The following HIVEP3 variants were observed in gnomAD, a reference collection of about 807,000 sequenced individuals.
HIVEP3 encodes HIVEP zinc finger 3.
In HIVEP3, 49 loss-of-function variants were observed where a neutral mutation model predicts 152.8. The observed-to-expected ratio is 0.32, with a 90% CI of 0.26 to 0.41. The LOEUF (loss-of-function observed/expected upper bound fraction) is 0.41. Among genes scored for constraint, HIVEP3 ranks in the 10% least tolerant of loss-of-function variants. HIVEP3 has a pLI of 1.00. For missense variants in HIVEP3, 2,790 were observed against 3,103.3 expected, an observed-to-expected ratio of 0.90 and a Z score of 2.40; for synonymous variants, 1,269 against 1,289.0, an observed-to-expected ratio of 0.98 and a Z score of 0.33.
rs79673918 is a variant in HIVEP3 at position 41,801,910 on chromosome 1, A to C, written c.-800-100915T>G. Among the ~76,000 whole-genome samples, 15 of 152,298 alleles carry C rather than the reference A, an allele frequency of 9.8e-5. No individual in the cohort carries two copies. The East Asian group carries it at 2.5e-3, about 25-fold the overall frequency. On this transcript the variant is annotated intron_variant, in intron 1 of 8. Coordinates refer to ENST00000372583, the MANE Select transcript of HIVEP3 (RefSeq NM_024503.5). Reference sequence around the variant, plus strand: ...CAAAAGACAATGAGGGAATTGCAGGATCTGAAGCTGGTATGTCAAGGAGTG... The same window carrying C: ...CAAAAGACAATGAGGGAATTGCAGGCTCTGAAGCTGGTATGTCAAGGAGTG...
At chr1:41,863,256 C>G (rs1643911012) in intron 1 of HIVEP3, among the ~76,000 whole-genome samples, 1 of 152,078 alleles carries the variant, frequency 6.6e-6, no homozygotes, top group Non-Finnish European at 1.5e-5. Context: ...GGGGGTGATC[C>G]CAGTAATGTG....
At position 41,584,369 on chromosome 1, in the gene HIVEP3, C is replaced by G. The variant is rs1000715577; in HGVS notation, c.429G>C (p.Gln143His). 1.2e-6 allele frequency: 2 copies of G among 1,613,618 alleles called. No individual in the cohort carries two copies. Among genetic ancestry groups the G allele is most frequent in the East Asian group, 4.5e-5 (2 of 44,860 alleles). Residue 143 changes from glutamine (Q) to histidine (H), a missense_variant, in exon 4 of 9, where the codon CAG becomes CAC. Gln to His is a conservative substitution (Grantham distance 24). This residue lies in a region of HIVEP3 where 209 missense variants were observed against 237.0 expected (regional missense o/e 0.88). Coordinates refer to ENST00000372583, the MANE Select transcript of HIVEP3 (RefSeq NM_024503.5). This position sits in a 1 kb window ranked among gnomAD's most constrained non-coding sequence, Gnocchi z 5.2. Reference sequence around the variant, plus strand: ...TGATGGAAGCGTGGGAAGGAAGGAGCTGGCTCTGAGGATGGAGCCCAGGGG... The same window carrying G: ...TGATGGAAGCGTGGGAAGGAAGGAGGTGGCTCTGAGGATGGAGCCCAGGGG... ...FVAPGLHPQS[Q>H]LLPSHASIIP...
At chr1:42,001,155 T>C (rs1271236265) in intron 1 of HIVEP3, among the ~76,000 whole-genome samples, 2 of 152,090 alleles carry the variant, frequency 1.3e-5, no homozygotes, top group African/African-American at 2.4e-5. Flanking sequence ...TAGGTCATAA[T>C]GTAAAAATGG....
chr1:41,920,531 T>C (rs1428770057), upstream of HIVEP3, among the ~76,000 whole-genome samples: 1 of 151,954 alleles, frequency 6.6e-6, no homozygotes, highest in African/African-American at 2.4e-5. Context: ...AAACATTCTG[T>C]CTTCACACTA....
In HIVEP3 at chr1:41,804,204, G is replaced by A. The variant is rs541663403; in HGVS notation, c.-800-103209C>T. On this transcript the variant is annotated intron_variant, in intron 1 of 8. Coordinates refer to ENST00000372583, the MANE Select transcript of HIVEP3 (RefSeq NM_024503.5). ...TCCCCACCTCCGATTTCTGCCTAAC[G>A]ACTCCACAAAGGTGGGCTTCCCTCC... is the stretch of plus-strand genomic sequence containing the variant. Among the ~76,000 whole-genome samples, 8 of 152,212 alleles carry A rather than the reference G, an allele frequency of 5.3e-5. No homozygotes were observed. The South Asian group carries it at 1.7e-3, about 32-fold the overall frequency.
At chr1:41,529,981 C>G (rs144045988) in intron 5 of HIVEP3, among the ~76,000 whole-genome samples, 53 of 149,648 alleles carry the variant, frequency 3.5e-4, no homozygotes, top group African/African-American at 1.3e-3. Flanking sequence ...CGCTCACACC[C>G]ATGCACACAC....
At position 41,991,993 on chromosome 1, in the gene HIVEP3, A is replaced by G. The variant is rs369587839; in HGVS notation, n.119+43814T>C. Among the ~76,000 whole-genome samples, 9 of 148,360 alleles carry G rather than the reference A, an allele frequency of 6.1e-5. No homozygotes were observed. The South Asian group carries it at 1.1e-3, about 18-fold the overall frequency. On this transcript the variant is annotated intron_variant and non_coding_transcript_variant, in intron 1 of 3. Coordinates refer to the HIVEP3 transcript ENST00000489103. ...TCAATAAATTACGTATTGATGGGAC[A>G]TATTTCAAAATAATAAGAGCTATCT...
At chr1:41,965,710 C>T (rs907082180) in intron 1 of HIVEP3, among the ~76,000 whole-genome samples, 20 of 152,114 alleles carry the variant, frequency 1.3e-4, no homozygotes, top group Non-Finnish European at 2.9e-4. Context: ...AACAAAACCT[C>T]CAAGAACTAT....
intron 2 of HIVEP3, among the ~76,000 whole-genome samples, chr1:41,667,055 GC>G (rs1645806633): frequency 1.3e-5 from 2 of 152,148 alleles, no homozygotes; most frequent in Admixed American, 1.3e-4. Context: ...GGCTTCCCTG[GC>G]CCCCAGGGAG....
intron 5 of HIVEP3, among the ~76,000 whole-genome samples, chr1:41,538,079 G>A (rs1381309339): frequency 6.6e-6 from 1 of 152,328 alleles, no homozygotes; most frequent in African/African-American, 2.4e-5. Flanking sequence ...TACAGACAAT[G>A]AGCAAAGTGC....
At chr1:41,677,800 G>T (rs1006744182) in intron 2 of HIVEP3, among the ~76,000 whole-genome samples, 1 of 152,344 alleles carries the variant, frequency 6.6e-6, no homozygotes, top group East Asian at 1.9e-4. Context: ...AGGTGAGTCC[G>T]CAGGAACAAC....
At chr1:41,618,187 C>T (rs778089269) in intron 3 of HIVEP3, among the ~76,000 whole-genome samples, 5 of 152,326 alleles carry the variant, frequency 3.3e-5, no homozygotes, top group South Asian at 2.1e-4. Flanking sequence ...CTGTTTGTTC[C>T]GCTGCGGGAT....
intron 5 of HIVEP3, among the ~76,000 whole-genome samples, chr1:41,552,632 GTTGGTTC>G (rs980728584): frequency 3.2e-4 from 48 of 149,586 alleles, no homozygotes; most frequent in Non-Finnish European, 5.8e-4. Flanking sequence ...GGACATTTGG[GTTGGTTC>G]CAAGTCTTTG....
chr1:41,617,802 A>C (rs1045886863), intron 3 of HIVEP3, among the ~76,000 whole-genome samples: 10 of 152,220 alleles, frequency 6.6e-5, no homozygotes, highest in Non-Finnish European at 1.5e-5. Flanking sequence ...TTCTACTCCC[A>C]CATCATAAGA....
intron 1 of HIVEP3, among the ~76,000 whole-genome samples, chr1:41,886,873 C>T (rs1034773579): frequency 3.3e-5 from 5 of 152,038 alleles, no homozygotes; most frequent in African/African-American, 1.2e-4. Context: ...AAAGTTTTCT[C>T]CTATCAGAAA....
chr1:41,589,012 C>T (rs960570491), intron 3 of HIVEP3, among the ~76,000 whole-genome samples: 42 of 152,162 alleles, frequency 2.8e-4, no homozygotes, highest in African/African-American at 9.2e-4. Context: ...CGGCATAAAC[C>T]GAAGGACCGT....
chr1:41,551,491 G>A (rs574045291), intron 5 of HIVEP3, among the ~76,000 whole-genome samples: 87 of 152,290 alleles, frequency 5.7e-4, no homozygotes, highest in Middle Eastern at 3.4e-3. Flanking sequence ...GAATTGGGCT[G>A]TGAATCCATC....
chr1:41,616,645 G>T (rs1644973032), intron 3 of HIVEP3, among the ~76,000 whole-genome samples: 1 of 138,324 alleles, frequency 7.2e-6, no homozygotes. Flanking sequence ...TTGAGATGGA[G>T]TCTCACTATG....
At chr1:41,984,105 TG>T (rs1300597464) in intron 1 of HIVEP3, among the ~76,000 whole-genome samples, 1 of 152,198 alleles carries the variant, frequency 6.6e-6, no homozygotes, top group Non-Finnish European at 1.5e-5. Context: ...CCTGAGTAAC[TG>T]GGGCAATGAA....
Sources: gnomAD v4.1 joint callset for allele counts (sites outside exome capture counted in the v4.1 genomes callset) on GRCh38, gnomAD v4.1.1 for gene constraint, gnomAD v4.1.1 regional missense constraint, Gnocchi (gnomAD v3.1) non-coding constraint, MANE v1.5 for transcripts, NCBI Gene and HGNC (gene_info 2026-07-23, HGNC 2026-07-21) for gene names.